ATIC: variants seen among roughly 807,000 people sequenced by gnomAD.
ATIC encodes 5-aminoimidazole-4-carboxamide ribonucleotide formyltransferase/IMP cyclohydrolase, also known as bifunctional purine biosynthesis protein ATIC.
A neutral mutation model predicts 72.5 loss-of-function variants in ATIC; 64 were observed. The observed-to-expected ratio is 0.88, with a 90% CI of 0.72 to 1.09. ATIC has a LOEUF of 1.09. Ranked by LOEUF, ATIC falls within the 50% of genes least tolerant of loss-of-function variation. The pLI is 0.00. For synonymous variants in ATIC, 281 were observed against 267.1 expected (o/e 1.05, Z -0.51); for missense variants, 787 against 732.4 (o/e 1.07, Z -0.86).
At chr2:215,357,265 G>A in the ATIC span, among the ~76,000 whole-genome samples, 1 of 152,160 alleles carries the variant, frequency 6.6e-6, no homozygotes, top group African/African-American at 2.4e-5. Flanking sequence ...AGGGCCCAAT[G>A]GGAGACTCCT....
At chr2:215,353,699 T>A (rs1225937030), downstream of ATIC, among the ~76,000 whole-genome samples, 2 of 151,872 alleles carry the variant, frequency 1.3e-5, no homozygotes, top group Non-Finnish European at 2.9e-5. Context: ...GTAGCTGGGA[T>A]TATAGGTGCA....
chr2:215,363,234 G>A, the ATIC span: 2 of 152,104 alleles, frequency 1.3e-5, no homozygotes, highest in African/African-American at 4.8e-5. Flanking sequence ...GCACATGAAA[G>A]GTTTCATGTG....
At chr2:215,318,007 A>G in intron 2 of ATIC, 150 bp from the exon 3 acceptor site, 1 of 705,506 alleles carries the variant, frequency 1.4e-6, no homozygotes, top group Non-Finnish European at 2.4e-6. Flanking sequence ...TACTTAAGAA[A>G]TAAAATATAG....
the ATIC span, among the ~76,000 whole-genome samples, chr2:215,366,522 T>G: frequency 1.3e-5 from 2 of 152,218 alleles, no homozygotes; most frequent in African/African-American, 2.4e-5. Context: ...CAAATAAGTC[T>G]GGTTCTGTGG....
downstream of ATIC, among the ~76,000 whole-genome samples, chr2:215,351,299 G>C (rs919692247): frequency 6.6e-6 from 1 of 152,188 alleles, no homozygotes; most frequent in Non-Finnish European, 1.5e-5. Context: ...AAGAGCTCTT[G>C]AATTCCTGAC....
downstream of ATIC, among the ~76,000 whole-genome samples, chr2:215,353,181 C>T (rs2053143659): frequency 6.6e-6 from 1 of 152,152 alleles, no homozygotes; most frequent in African/African-American, 2.4e-5. Context: ...TGCGCTCAGC[C>T]TATTTGTATT....
intron 7 of ATIC, among the ~76,000 whole-genome samples, chr2:215,329,627 G>C (rs992548394): frequency 4.6e-5 from 7 of 152,096 alleles, no homozygotes; most frequent in African/African-American, 1.7e-4. Context: ...TTAATGACTG[G>C]TTTGCTTATG....
chr2:215,316,021 C>T (rs1040641824), intron 2 of ATIC, among the ~76,000 whole-genome samples: 2 of 151,430 alleles, frequency 1.3e-5, no homozygotes, highest in Non-Finnish European at 2.9e-5. Context: ...TTGTTATCTG[C>T]AATAATTTTA....
At chr2:215,355,826 C>T in the ATIC span, among the ~76,000 whole-genome samples, 1 of 152,200 alleles carries the variant, frequency 6.6e-6, no homozygotes, top group Admixed American at 6.5e-5. Context: ...ATCTTTCCCT[C>T]GAGGAAATTG....
chr2:215,350,931 T>C (rs1218746487), downstream of ATIC, among the ~76,000 whole-genome samples: 1 of 152,244 alleles, frequency 6.6e-6, no homozygotes, highest in African/African-American at 2.4e-5. Context: ...TTTTTCTTAA[T>C]GGTCATCTTT....
At chr2:215,319,556 T>C (rs2052745217) in intron 3 of ATIC, 109 bp from the exon 4 acceptor site, 1 of 847,414 alleles carries the variant, frequency 1.2e-6, no homozygotes, top group Non-Finnish European at 2.0e-6. Context: ...AATAAATTTT[T>C]TTTTTAATCA....
At chr2:215,355,614 A>G in the ATIC span, among the ~76,000 whole-genome samples, 1 of 148,808 alleles carries the variant, frequency 6.7e-6, no homozygotes, top group East Asian at 2.0e-4. Context: ...GGACATTTTT[A>G]TACCTTATTT....
chr2:215,365,966 A>ATTTTTTTTT, the ATIC span, among the ~76,000 whole-genome samples: 853 of 90,194 alleles, frequency 9.5e-3, no homozygotes, highest in African/African-American at 0.012. Flanking sequence ...CCACAGTGCT[A>ATTTTTTTTT]TTTTTTTTTT....
At position 215,334,924 on chromosome 2, in the gene ATIC, G is replaced by T; in HGVS notation, c.928G>T (p.Asp310Tyr). ...SAAYARARGA[D>Y]RMSSFGDFVA... Reference sequence around the variant, plus strand: ...CATTTTAATTTTATTTACAGGGGCTGATAGGATGTCTTCATTTGGTGATTT... The same window carrying T: ...CATTTTAATTTTATTTACAGGGGCTTATAGGATGTCTTCATTTGGTGATTT... Residue 310 changes from aspartate (D) to tyrosine (Y), a missense_variant, in exon 10 of 16, where the codon GAT becomes TAT. Physicochemically the swap from Asp to Tyr is radical, Grantham distance 160. Transcript: ENST00000236959. The T allele has an allele frequency of 1.2e-6, 2 of 1,613,054 alleles. No homozygotes were observed. Among genetic ancestry groups the T allele is most frequent in the Non-Finnish European group, 1.7e-6 (2 of 1,179,308 alleles).
At chr2:215,362,092 A>G in the ATIC span, 6 of 1,602,534 alleles carry the variant, frequency 3.7e-6, no homozygotes, top group Non-Finnish European at 5.1e-6. Context: ...GAGAGAGTAG[A>G]GGCATGAAGT....
chr2:215,343,412 C>A (rs1013443719), intron 12 of ATIC, among the ~76,000 whole-genome samples: 1 of 152,188 alleles, frequency 6.6e-6, no homozygotes, highest in Non-Finnish European at 1.5e-5. Flanking sequence ...TCTTGTCTCA[C>A]TGCAGCCTCC....
In ATIC at chr2:215,349,671, T is replaced by G. The variant is rs368722747; in HGVS notation, c.*16T>G. 2 of 1,613,988 alleles carry G rather than the reference T, an allele frequency of 1.2e-6. No individual in the cohort carries two copies. The highest frequency in any genetic ancestry group is 2.7e-5 in the African/African-American group (2 of 74,894). The stretch of plus-strand genomic sequence containing the variant: ...CCACCACTGATTTTACCACACACTG[T>G]TTTTTGGCTTGCTTATGTGTAGGTG... On this transcript the variant is annotated 3_prime_UTR_variant, in exon 16 of 16. Coordinates refer to ENST00000236959, the MANE Select transcript of ATIC (RefSeq NM_004044.7).
intron 1 of ATIC, 90 bp from the exon 2 acceptor site, chr2:215,312,408 C>G: frequency 6.2e-7 from 1 of 1,605,278 alleles, no homozygotes; most frequent in East Asian, 2.2e-5. Context: ...CCTTGCGATT[C>G]GAGAATCTCC....
the ATIC span, among the ~76,000 whole-genome samples, chr2:215,359,853 T>C: frequency 1.3e-5 from 2 of 152,210 alleles, no homozygotes; most frequent in African/African-American, 2.4e-5. Flanking sequence ...TAAAAAGTGC[T>C]TTGCATGTCT....
Sources: allele counts gnomAD v4.1 joint callset (sites outside exome capture counted in the v4.1 genomes callset), GRCh38; gene constraint gnomAD v4.1.1; transcripts MANE v1.5; gene names NCBI Gene and HGNC (gene_info 2026-07-23, HGNC 2026-07-21).